RIMS1: variants seen among roughly 807,000 people sequenced by gnomAD.
RIMS1 encodes the protein regulating synaptic membrane exocytosis protein 1.
In RIMS1, 83 loss-of-function variants were observed where a neutral mutation model predicts 214.1. The ratio of observed to expected loss-of-function variants is 0.39; its 90% CI spans 0.32 to 0.47. The LOEUF (loss-of-function observed/expected upper bound fraction) is 0.47, where lower values mean the gene tolerates loss of function less well. Among genes scored for constraint, RIMS1 ranks in the 20% least tolerant of loss-of-function variants. The pLI is 0.99. For synonymous variants in RIMS1, 793 were observed against 786.8 expected (o/e 1.01, Z -0.13); for missense variants, 2,050 against 2,161.8 (o/e 0.95, Z 1.03).
At chr6:72,187,515 G>C in intron 6 of RIMS1, among the ~76,000 whole-genome samples, 1 of 120,908 alleles carries the variant, frequency 8.3e-6, no homozygotes, top group Admixed American at 1.0e-4. Context: ...GTCTCGGTCT[G>C]TCACCAGGCG....
chr6:72,088,389 C>T (rs1208481585), intron 2 of RIMS1, among the ~76,000 whole-genome samples: 2 of 151,988 alleles, frequency 1.3e-5, no homozygotes, highest in Non-Finnish European at 2.9e-5. Context: ...GCTAGGATTA[C>T]AGGCGCCTGC....
At chr6:72,140,421 AT>A (rs1284345021) in intron 4 of RIMS1, among the ~76,000 whole-genome samples, 1 of 152,144 alleles carries the variant, frequency 6.6e-6, no homozygotes, top group Non-Finnish European at 1.5e-5. Context: ...ATTTCAGTAC[AT>A]TTAGAATTTT....
At chr6:72,178,555 G>A (rs2048024521) in intron 4 of RIMS1, among the ~76,000 whole-genome samples, 1 of 152,174 alleles carries the variant, frequency 6.6e-6, no homozygotes. Flanking sequence ...TCCTGTGGAG[G>A]TAGTTTCTGA....
chr6:72,237,439 C>T lies in RIMS1; in HGVS notation c.1858-384C>T, dbSNP rs962198038. 3.9e-5 allele frequency among the ~76,000 whole-genome samples: 6 copies of T among 151,954 alleles called. 1 individual carries two copies. Among genetic ancestry groups the T allele is most frequent in the Middle Eastern group, 6.3e-3 (2 of 316 alleles). Reference sequence around the variant, plus strand: ...CCTGTAATCTCAACACTTTGGGAGGCCGAGGCAGGAGGACTGCTTGAGCCC... The same window carrying T: ...CCTGTAATCTCAACACTTTGGGAGGTCGAGGCAGGAGGACTGCTTGAGCCC... On this transcript the variant is annotated intron_variant, in intron 8 of 33. Coordinates refer to ENST00000521978, the MANE Select transcript of RIMS1 (RefSeq NM_014989.7).
At chr6:72,088,368 C>T (rs1835253823) in intron 2 of RIMS1, among the ~76,000 whole-genome samples, 1 of 151,958 alleles carries the variant, frequency 6.6e-6, no homozygotes, top group South Asian at 2.1e-4. Context: ...CCTGCCTCAG[C>T]TTTCTGAGTA....
At chr6:72,227,424 T>C (rs1007536727) in intron 6 of RIMS1, among the ~76,000 whole-genome samples, 1 of 224 alleles carries the variant, frequency 4.5e-3, no homozygotes, top group Non-Finnish European at 9.8e-3. Context: ...AGGGGTTCTA[T>C]GAGAGTTAGT....
chr6:72,295,122 A>G (rs1163462497), intron 26 of RIMS1, among the ~76,000 whole-genome samples: 1 of 151,810 alleles, frequency 6.6e-6, no homozygotes, highest in African/African-American at 2.4e-5. Context: ...TGATTCACAA[A>G]CTAACAGTAA....
chr6:72,163,925 C>T (rs1308941911), intron 4 of RIMS1, among the ~76,000 whole-genome samples: 1 of 152,176 alleles, frequency 6.6e-6, no homozygotes, highest in African/African-American at 2.4e-5. Flanking sequence ...AGCTGTCAGA[C>T]AGGGACATTT....
intron 1 of RIMS1, among the ~76,000 whole-genome samples, chr6:71,893,752 G>A (rs1770712549): frequency 6.6e-6 from 1 of 152,088 alleles, no homozygotes; most frequent in South Asian, 2.1e-4. Context: ...CAGCAAGAGG[G>A]GGTTATTCTG....
chr6:72,038,118 A>AAAATATAT (rs1820399900), intron 2 of RIMS1, among the ~76,000 whole-genome samples: 1 of 13,416 alleles, frequency 7.5e-5, no homozygotes, highest in Non-Finnish European at 1.2e-4. Flanking sequence ...AAAAAAAAAA[A>AAAATATAT]ATATATATAT....
chr6:72,170,146 C>G (rs962651194), intron 4 of RIMS1, among the ~76,000 whole-genome samples: 5 of 152,120 alleles, frequency 3.3e-5, no homozygotes, highest in African/African-American at 1.2e-4. Flanking sequence ...GTTTTTACAG[C>G]CTGAGATGCT....
chr6:72,320,232 C>A (rs1376584708), intron 28 of RIMS1, among the ~76,000 whole-genome samples: 1 of 151,972 alleles, frequency 6.6e-6, no homozygotes, highest in African/African-American at 2.4e-5. Context: ...TTATTGTCTC[C>A]AAGAATTGCC....
intron 4 of RIMS1, among the ~76,000 whole-genome samples, chr6:72,136,738 G>A (rs1254623303): frequency 6.6e-6 from 1 of 151,966 alleles, no homozygotes; most frequent in African/African-American, 2.4e-5. Flanking sequence ...ACATAACTCA[G>A]TGTATCAAAC....
intron 4 of RIMS1, 62 bp from the exon 5 acceptor site, chr6:72,179,513 A>G: frequency 8.3e-7 from 1 of 1,207,174 alleles, no homozygotes; most frequent in Non-Finnish European, 1.2e-6. Flanking sequence ...ATATTTTAAG[A>G]TACTGAAAAA....
At chr6:72,055,714 A>G (rs1385546827) in intron 2 of RIMS1, among the ~76,000 whole-genome samples, 3 of 152,184 alleles carry the variant, frequency 2.0e-5, no homozygotes, top group Admixed American at 6.5e-5. Context: ...TCATAATGAG[A>G]TATCATCTCA....
rs552651133 is a variant in RIMS1 at position 72,354,632 on chromosome 6, A to AT, written c.4366+20798dup. Among the ~76,000 whole-genome samples, 76 of 152,308 alleles carry AT rather than the reference A, an allele frequency of 5.0e-4. 1 individual carries two copies. The highest frequency in any genetic ancestry group is 1.8e-3 in the African/African-American group (75 of 41,574). On this transcript the variant is annotated intron_variant, in intron 29 of 33. Transcript: ENST00000521978. ...GTGAGAGAGTTGCTGTTGATTAACT[A>AT]TAGGAGACTTGATTTATTTCTAATT...
At chr6:72,098,108 G>A (rs1184034139) in intron 3 of RIMS1, among the ~76,000 whole-genome samples, 1 of 152,052 alleles carries the variant, frequency 6.6e-6, no homozygotes, top group Non-Finnish European at 1.5e-5. Context: ...ACGAAGTCAT[G>A]TTTAAAAATA....
chr6:71,908,003 C>A (rs901640953), intron 1 of RIMS1, among the ~76,000 whole-genome samples: 1 of 152,096 alleles, frequency 6.6e-6, no homozygotes, highest in Non-Finnish European at 1.5e-5. Context: ...TTTATTATAG[C>A]AGGCATTGCT....
intron 2 of RIMS1, among the ~76,000 whole-genome samples, chr6:72,030,592 T>A (rs1366650593): frequency 6.6e-6 from 1 of 152,130 alleles, no homozygotes; most frequent in Non-Finnish European, 1.5e-5. Flanking sequence ...TTTTAAAAGA[T>A]ACACTACACA....
Sources: allele counts gnomAD v4.1 joint callset (sites outside exome capture counted in the v4.1 genomes callset), GRCh38; gene constraint gnomAD v4.1.1; transcripts MANE v1.5; gene names NCBI Gene and HGNC (gene_info 2026-07-23, HGNC 2026-07-21).